Variants in LONRF1 observed in about 807,000 individuals in gnomAD.
LONRF1 encodes the protein LON peptidase N-terminal domain and RING finger protein 1.
A neutral mutation model predicts 85.8 loss-of-function variants in LONRF1; 37 were observed. The ratio of observed to expected loss-of-function variants is 0.43; its 90% confidence interval spans 0.33 to 0.57. The LOEUF (loss-of-function observed/expected upper bound fraction) is 0.57, where lower values mean the gene tolerates loss of function less well. Among genes scored for constraint, LONRF1 ranks in the 20% least tolerant of loss-of-function variants. The probability of loss-of-function intolerance (pLI) is 0.04; values close to 1 mark genes in which losing one functional copy is unlikely to be tolerated. For missense variants in LONRF1, 1,036 were observed against 978.0 expected (o/e 1.06, Z -0.79); for synonymous variants, 517 against 390.1 (o/e 1.33, Z -3.83).
chr8:12,733,922 G>C (rs17117906), intron 7 of LONRF1, among the ~76,000 whole-genome samples: 3 of 152,098 alleles, frequency 2.0e-5, no homozygotes, highest in African/African-American at 4.8e-5. Context: ...TTGCTAAATA[G>C]TATGTTAGTT....
rs906829624 is a variant in LONRF1, at chr8:12,722,850, T to C, written c.*246A>G. 5.0e-6 allele frequency: 2 copies of C among 398,672 alleles called. No homozygotes were observed. Among genetic ancestry groups the C allele is most frequent in the Non-Finnish European group, 9.2e-6 (2 of 218,530 alleles). The allele number at this position is 398,672 out of a possible 1,614,324, so 24.7% of individuals were successfully genotyped here. A position where few individuals can be genotyped will look rare whatever the true frequency, so the allele number is the denominator to read the frequency against. The stretch of plus-strand genomic sequence containing the variant: ...TTATTTCATTTTAGAGTATGGTACA[T>C]AGTGCAACTTCACAATGTAGAGGTT... On this transcript the variant is annotated 3_prime_UTR_variant, in exon 12 of 12. Transcript: ENST00000398246.
rs1430383893 is a variant in LONRF1, at chr8:12,743,179, A to G, written c.825T>C (p.Leu275=). Residue 275 remains leucine (L), a synonymous_variant, in exon 2 of 12, where the codon CTT becomes CTC. Coordinates refer to ENST00000398246, the MANE Select transcript of LONRF1 (RefSeq NM_152271.5). ...GTAATTTTACCTCAGGCCAATCTGG[A>G]AGTTGAAAAAGAACTGCATTTAAAT... ...IEDLNAVLFQ[L]PDWPEVYFRK... is the part of the protein sequence containing the mutation. 1 of 1,608,824 alleles carries G rather than the reference A, an allele frequency of 6.2e-7. No homozygotes were observed. Among genetic ancestry groups the G allele is most frequent in the Non-Finnish European group, 8.5e-7 (1 of 1,175,442 alleles).
intron 1 of LONRF1, 102 bp downstream of exon 1, chr8:12,754,584 CAGCGGCCCCGGGGA>C (rs1799554139): frequency 8.5e-7 from 1 of 1,174,008 alleles, no homozygotes; most frequent in Non-Finnish European, 1.1e-6. Context: ...GCCAGCGGCC[CAGCGGCCCCGGGGA>C]AGCAGAGGAG....
chr8:12,736,840 T>C (rs1798735606), intron 5 of LONRF1, 43 bp from the exon 6 acceptor site: 1 of 1,583,550 alleles, frequency 6.3e-7, no homozygotes, highest in Non-Finnish European at 8.6e-7. Flanking sequence ...TAGGAAAAAC[T>C]TTAAAGACTA....
chr8:12,745,123 C>T (rs1264354452), intron 1 of LONRF1, among the ~76,000 whole-genome samples: 3 of 152,070 alleles, frequency 2.0e-5, no homozygotes, highest in African/African-American at 4.8e-5. Flanking sequence ...CCCCTCTCCA[C>T]ACAGAAAAAT....
In LONRF1 at chr8:12,735,301, T is replaced by C. The variant is rs747966250; in HGVS notation, c.1551A>G (p.Lys517=). 1 of 1,602,054 alleles carries C rather than the reference T, an allele frequency of 6.2e-7. No homozygotes were observed. Among genetic ancestry groups the C allele is most frequent in the Non-Finnish European group, 8.5e-7 (1 of 1,172,344 alleles). The change falls in exon 7 of 12, where the codon AAA becomes AAG. Residue 517 remains lysine, a synonymous_variant. Coordinates refer to ENST00000398246, the MANE Select transcript of LONRF1 (RefSeq NM_152271.5). ...AAATATTTACCTCTTTTAAGCTTTCTTTGCAAAGAGGACAATATGGTGCAT... is the reference window on the plus strand; with the variant it reads ...AAATATTTACCTCTTTTAAGCTTTCCTTGCAAAGAGGACAATATGGTGCAT... ...LDHAPYCPLC[K]ESLKEYLADR... is the part of the protein sequence containing the mutation.
chr8:12,740,310 T>C (rs753452212), intron 3 of LONRF1, among the ~76,000 whole-genome samples: 1 of 152,198 alleles, frequency 6.6e-6, no homozygotes, highest in African/African-American at 2.4e-5. Flanking sequence ...TGAAACGTTC[T>C]GGAGAAACCT....
At chr8:12,726,318 T>A (rs1798302759) in intron 10 of LONRF1, among the ~76,000 whole-genome samples, 1 of 152,102 alleles carries the variant, frequency 6.6e-6, no homozygotes, top group Non-Finnish European at 1.5e-5. Flanking sequence ...TGACAGAAAG[T>A]AGTAACAGGA....
At chr8:12,735,209 A>G in intron 7 of LONRF1, 77 bp downstream of exon 7, 2 of 936,952 alleles carry the variant, frequency 2.1e-6, no homozygotes, top group Non-Finnish European at 3.3e-6. Context: ...GATCATCACT[A>G]TTTCTATGGC....
intron 1 of LONRF1, among the ~76,000 whole-genome samples, chr8:12,749,716 A>T (rs1452798204): frequency 1.3e-5 from 2 of 152,170 alleles, no homozygotes; most frequent in Non-Finnish European, 2.9e-5. Context: ...ATTACAGTTG[A>T]TCTTTTTAGT....
At chr8:12,732,977 T>C (rs1478502114) in intron 7 of LONRF1, among the ~76,000 whole-genome samples, 1 of 152,110 alleles carries the variant, frequency 6.6e-6, no homozygotes, top group Non-Finnish European at 1.5e-5. Context: ...GATGGGGAAA[T>C]GCGAGAGGTT....
Position 12,742,374 on chromosome 8 carries a change from G to C in LONRF1, c.840+790C>G, listed in dbSNP as rs1006525942. Among the ~76,000 whole-genome samples the C allele has an allele frequency of 5.9e-5, 9 of 152,308 alleles. No homozygotes were observed. In the South Asian group the frequency reaches 1.7e-3, roughly 28 times the overall value. On this transcript the variant is annotated intron_variant, in intron 2 of 11. Transcript: ENST00000398246. ...TGCCTTGACAATTTGATAAAAAGGAGAATCTGTAAACTGACTGTATGTTAT... is the reference window on the plus strand; with the variant it reads ...TGCCTTGACAATTTGATAAAAAGGACAATCTGTAAACTGACTGTATGTTAT...
At chr8:12,744,236 T>TA (rs1799054660) in intron 1 of LONRF1, among the ~76,000 whole-genome samples, 1 of 152,194 alleles carries the variant, frequency 6.6e-6, no homozygotes. Flanking sequence ...CTCTAGTTTT[T>TA]AGATGATTGC....
intron 7 of LONRF1, 64 bp from the exon 8 acceptor site, chr8:12,731,921 A>T: frequency 4.1e-6 from 6 of 1,451,834 alleles, no homozygotes; most frequent in Non-Finnish European, 5.7e-6. Flanking sequence ...CAGGCAACAC[A>T]GTTAACTGAT....
chr8:12,729,112 G>C (rs746259486), intron 9 of LONRF1, 49 bp from the exon 10 acceptor site: 1 of 1,611,150 alleles, frequency 6.2e-7, no homozygotes, highest in Non-Finnish European at 8.5e-7. Flanking sequence ...AAACATGCAA[G>C]TTCTCATCCA....
chr8:12,754,793 C>A lies in LONRF1; in HGVS notation c.628G>T (p.Glu210Ter). Residue 210 changes from glutamate (E) to a stop codon, truncating the protein, a stop_gained, in exon 1 of 12, where the codon GAG (glutamate) becomes TAG (stop). Coordinates refer to ENST00000398246, the MANE Select transcript of LONRF1 (RefSeq NM_152271.5). LOFTEE classifies it high-confidence loss of function. Reference sequence around the variant, plus strand: ...AGCCTGCCGGCCGCCCGGGCCCGCTCGCGCTGGCCCGGAAACCACTTCTCG... The same window carrying A: ...AGCCTGCCGGCCGCCCGGGCCCGCTAGCGCTGGCCCGGAAACCACTTCTCG... ...LAEKWFPGQR[E>*]RARAAGRLGE... 6.7e-7 allele frequency: 1 copy of A among 1,484,994 alleles called. No individual in the cohort carries two copies. Among genetic ancestry groups the A allele is most frequent in the South Asian group, 1.3e-5 (1 of 79,238 alleles). 92.0% of individuals were successfully genotyped at this position (1,484,994 alleles called of 1,614,324 possible).
At chr8:12,736,676 C>T in intron 6 of LONRF1, 25 bp downstream of exon 6, 3 of 1,467,008 alleles carry the variant, frequency 2.0e-6, no homozygotes, top group East Asian at 2.3e-5. Flanking sequence ...AAATATTCAT[C>T]TTCTATAAAG....
chr8:12,744,294 T>C (rs756633116), intron 1 of LONRF1, among the ~76,000 whole-genome samples: 5 of 152,180 alleles, frequency 3.3e-5, no homozygotes, highest in Non-Finnish European at 7.4e-5. Flanking sequence ...GGAAGGCCTC[T>C]TTCAGTTGCT....
intron 7 of LONRF1, among the ~76,000 whole-genome samples, chr8:12,735,011 C>G (rs1355352270): frequency 6.6e-6 from 1 of 151,992 alleles, no homozygotes; most frequent in Non-Finnish European, 1.5e-5. Flanking sequence ...GAACTTATCC[C>G]TGACCAGATA....
Sources: allele counts gnomAD v4.1 joint callset (sites outside exome capture counted in the v4.1 genomes callset), GRCh38; gene constraint gnomAD v4.1.1; transcripts MANE v1.5; gene names NCBI Gene and HGNC (gene_info 2026-07-23, HGNC 2026-07-21).